DCTN1: variants seen among roughly 807,000 people sequenced by gnomAD.
DCTN1 encodes 150 kDa dynein-associated polypeptide.
In DCTN1, 61 loss-of-function variants were observed where a neutral mutation model predicts 161.2. That is an observed-to-expected ratio of 0.38 (90% CI 0.31 to 0.47). DCTN1 has a LOEUF of 0.47. Among genes scored for constraint, DCTN1 ranks in the 20% least tolerant of loss-of-function variants. The pLI, the probability that DCTN1 is intolerant of heterozygous loss-of-function variation, is 0.99. For missense variants in DCTN1, 1,404 were observed against 1,623.7 expected, an observed-to-expected ratio of 0.86 and a Z score of 2.33; for synonymous variants, 653 against 632.4, an observed-to-expected ratio of 1.03 and a Z score of -0.49.
At chr2:74,378,333 T>C in intron 1 of DCTN1, 88 bp from the exon 2 acceptor site, 1 of 1,540,104 alleles carries the variant, frequency 6.5e-7, no homozygotes, top group Non-Finnish European at 8.8e-7. Context: ...GCCAAGATGC[T>C]GGACTGAAAA....
At position 74,368,776 on chromosome 2, in the gene DCTN1, G is replaced by A. The variant is rs755786338; in HGVS notation, c.1806C>T (p.Asp602=). The A allele has an allele frequency of 3.7e-6, 6 of 1,614,238 alleles. No individual in the cohort carries two copies. In the South Asian group the frequency reaches 6.6e-5, roughly 18 times the overall value. The change falls in exon 16 of 32, where the codon GAC becomes GAT. Residue 602 remains aspartate, a synonymous_variant. Coordinates refer to ENST00000628224, the MANE Select transcript of DCTN1 (RefSeq NM_004082.5). ...GCAACAGCACCAGAACGCAGTCATG[G>A]TCCCCACCTGGCCGAAGGAAGCTGT... ...MPDSFLRPGG[D]HDCVLVLLLM...
chr2:74,368,877 T>C lies in DCTN1; in HGVS notation c.1705A>G (p.Ile569Val), dbSNP rs761895833. 1.9e-6 allele frequency: 3 copies of C among 1,614,222 alleles called. No homozygotes were observed. The highest frequency in any genetic ancestry group is 1.7e-5 in the Admixed American group (1 of 60,028). The change falls in exon 16 of 32, where the codon ATT (isoleucine) becomes GTT (valine). Residue 569 changes from isoleucine (I) to valine (V), a missense_variant. Ile to Val is a conservative substitution (Grantham distance 29, BLOSUM62 3). Transcript: ENST00000628224. Reference protein sequence around the residue: ...FAETKAHAKAIEMELRQMEVA... With the variant: ...FAETKAHAKAVEMELRQMEVA... ...TCCATCTGCCTCAATTCCATCTCAA[T>C]TGCCTGTGAGGTGAACAGGGAGGAG...
chr2:74,371,518 C>A lies in DCTN1; in HGVS notation c.645+19G>T, dbSNP rs1311574177. The A allele has an allele frequency of 1.3e-6, 2 of 1,556,292 alleles. No homozygotes were observed. Among genetic ancestry groups the A allele is most frequent in the Non-Finnish European group, 8.7e-7 (1 of 1,150,068 alleles). ...CTCTGGGTGTCTTGATTCTCCTTTA[C>A]CCCTACCCCAGGCCTTACCTTGGAT... On this transcript the variant is annotated intron_variant, in intron 8 of 31. Transcript: ENST00000628224.
At position 74,366,344 on chromosome 2, in the gene DCTN1, T is replaced by G. The variant is rs1166896176; in HGVS notation, c.2660A>C (p.Glu887Ala). ...GATGTTGCATGACTGGCGCAGACAC[T>G]CATAGGGGCTGCTGGAGGGGGTCCC... ...IYGTPSSSPY[E>A]CLRQSCNILI... The change falls in exon 23 of 32, where the codon GAG becomes GCG. Residue 887 changes from glutamate (E) to alanine (A), a missense_variant. Around this residue, in one of 9 missense-constraint regions of DCTN1, gnomAD observed 475 missense variants for 489.8 expected, o/e 0.97. Coordinates refer to ENST00000628224, the MANE Select transcript of DCTN1 (RefSeq NM_004082.5). The G allele has an allele frequency of 6.2e-7, 1 of 1,614,034 alleles. No individual in the cohort carries two copies. The highest frequency in any genetic ancestry group is 1.3e-5 in the African/African-American group (1 of 74,918).
Position 74,368,845 on chromosome 2 carries a change from G to T in DCTN1, c.1737C>A (p.Ala579=). Residue 579 remains alanine, a synonymous_variant, in exon 16 of 32, where the codon GCC becomes GCA. Transcript: ENST00000628224. ...IEMELRQMEV[A]QANRHMSLLT... ...GCAGGGACATGTGTCGATTGGCCTG[G>T]GCCACCTCCATCTGCCTCAATTCCA... The T allele has an allele frequency of 1.2e-6, 2 of 1,614,256 alleles. No individual in the cohort carries two copies. The highest frequency in any genetic ancestry group is 1.7e-6 in the Non-Finnish European group (2 of 1,180,052).
chr2:74,366,499 A>G lies in DCTN1; in HGVS notation c.2588T>C (p.Val863Ala), dbSNP rs150798076. The change falls in exon 22 of 32, where the codon GTG becomes GCG. Residue 863 changes from valine to alanine, a missense_variant. This residue lies in a region of DCTN1 where 475 missense variants were observed against 489.8 expected (regional missense o/e 0.97). Coordinates refer to ENST00000628224, the MANE Select transcript of DCTN1 (RefSeq NM_004082.5). ...GAAAGCCAGTTCCTCCAGAGCAGCC[A>G]CAAGTAGCCCCTCATTCTCTGCCAG... Reference protein sequence around the residue: ...APLAENEGLLVAALEELAFKA... With the variant: ...APLAENEGLLAAALEELAFKA... 2.0e-5 allele frequency: 32 copies of G among 1,614,080 alleles called. No homozygotes were observed. The African/African-American group carries it at 4.3e-4, about 22-fold the overall frequency.
At position 74,363,186 on chromosome 2, in the gene DCTN1, GA is replaced by G; in HGVS notation, c.3346-10del. 1.2e-6 allele frequency: 2 copies of G among 1,614,024 alleles called. No homozygotes were observed. The highest frequency in any genetic ancestry group is 1.7e-6 in the Non-Finnish European group (2 of 1,179,950). ...GCCTTCATCTGGGCTCCCTGTGGAT[GA>G]AAAAAGAAGGATAGTGGTAAGAGGT... On this transcript the variant is annotated splice_polypyrimidine_tract_variant and intron_variant, in intron 28 of 31. Transcript: ENST00000628224.
chr2:74,365,554 C>T lies in DCTN1; in HGVS notation c.2990G>A (p.Arg997Gln), dbSNP rs200580530. 123 of 1,614,082 alleles carry T rather than the reference C, an allele frequency of 7.6e-5. No homozygotes were observed. The highest frequency in any genetic ancestry group is 6.6e-5 in the South Asian group (6 of 91,068). Residue 997 changes from arginine (R) to glutamine (Q), a missense_variant, in exon 25 of 32, where the codon CGG becomes CAG. Coordinates refer to ENST00000628224, the MANE Select transcript of DCTN1 (RefSeq NM_004082.5). Reference protein sequence around the residue: ...ADERIEKVQTRLEETQALLRK... With the variant: ...ADERIEKVQTQLEETQALLRK... ...CAGCAGTGCCTGGGTCTCCTCCAGCCGAGTCTGGACTTTCTCGATGCGCTC... is the reference window on the plus strand; with the variant it reads ...CAGCAGTGCCTGGGTCTCCTCCAGCTGAGTCTGGACTTTCTCGATGCGCTC...
At chr2:74,371,253 C>T (rs1674821646) in intron 8 of DCTN1, 77 bp from the exon 9 acceptor site, 6 of 1,606,294 alleles carry the variant, frequency 3.7e-6, no homozygotes, top group Admixed American at 3.3e-5. Context: ...GCAAAGAACA[C>T]AAGAAAGTGT....
At chr2:74,364,730 G>A (rs1674273183) in intron 26 of DCTN1, 1 of 384,606 alleles carries the variant, frequency 2.6e-6, no homozygotes, top group South Asian at 2.2e-5. Context: ...TGCCCCAGGA[G>A]AGTCAGCCCA....
intron 5 of DCTN1, among the ~76,000 whole-genome samples, chr2:74,375,632 A>G (rs1055574701): frequency 1.3e-5 from 2 of 152,164 alleles, no homozygotes; most frequent in African/African-American, 4.8e-5. Context: ...GCTCTTCTCT[A>G]TTCAAGGCCT....
At chr2:74,382,947 C>A (rs1395247958), upstream of DCTN1, among the ~76,000 whole-genome samples, 2 of 151,534 alleles carry the variant, frequency 1.3e-5, no homozygotes, top group African/African-American at 2.4e-5. Context: ...CGGTGGCGGG[C>A]GCCTGTAGTC....
Position 74,380,106 on chromosome 2 carries a change from C to A in DCTN1, c.-69G>T. The A allele has an allele frequency of 1.3e-6, 2 of 1,569,236 alleles. No individual in the cohort carries two copies. Among genetic ancestry groups the A allele is most frequent in the South Asian group, 2.2e-5 (2 of 90,196 alleles). ...CAGAGAGAAAAGGTAGAAACCTAGG[C>A]AGGAGGGTCAGGGCGCTGGGCCCTC... On this transcript the variant is annotated 5_prime_UTR_variant, in exon 1 of 32. Coordinates refer to ENST00000628224, the MANE Select transcript of DCTN1 (RefSeq NM_004082.5).
chr2:74,367,659 C>T, intron 18 of DCTN1, 37 bp downstream of exon 18: 1 of 1,613,878 alleles, frequency 6.2e-7, no homozygotes, highest in Non-Finnish European at 8.5e-7. Context: ...GAAAGCTTCC[C>T]TGCCTCCTGC....
chr2:74,377,330 T>C (rs1675282748), intron 4 of DCTN1, 102 bp downstream of exon 4: 1 of 1,037,566 alleles, frequency 9.6e-7, no homozygotes, highest in African/African-American at 1.6e-5. Flanking sequence ...AGAAGGCAAA[T>C]CAGACTCACC....
intron 1 of DCTN1, among the ~76,000 whole-genome samples, chr2:74,379,379 G>A (rs1675403931): frequency 6.6e-6 from 1 of 152,166 alleles, no homozygotes; most frequent in Non-Finnish European, 1.5e-5. Flanking sequence ...GGAAGAGCCA[G>A]GACACCTCCC....
At chr2:74,382,477 A>G (rs1009042812), upstream of DCTN1, among the ~76,000 whole-genome samples, 2 of 151,730 alleles carry the variant, frequency 1.3e-5, no homozygotes, top group Admixed American at 6.6e-5. Flanking sequence ...GCGCATACCT[A>G]TAATCCTAGC....
In DCTN1 at chr2:74,370,346, C is replaced by T. The variant is rs755529936; in HGVS notation, c.1128-1G>A. On this transcript the variant is annotated splice_acceptor_variant, in intron 11 of 31. Coordinates refer to ENST00000628224, the MANE Select transcript of DCTN1 (RefSeq NM_004082.5). LOFTEE classifies it high-confidence loss of function. The surrounding 1 kb of genome is among the most constrained non-coding windows in gnomAD (Gnocchi z 4.4). Reference sequence around the variant, plus strand: ...CTCTGAGGAAGAAAGATCCCGCATCCTGCAGGGATGTGAGGAAGGCAGAAG... The same window carrying T: ...CTCTGAGGAAGAAAGATCCCGCATCTTGCAGGGATGTGAGGAAGGCAGAAG... The T allele has an allele frequency of 6.2e-7, 1 of 1,614,008 alleles. No homozygotes were observed. Among genetic ancestry groups the T allele is most frequent in the Non-Finnish European group, 8.5e-7 (1 of 1,180,038 alleles).
At chr2:74,377,371 C>T (rs568069026) in intron 4 of DCTN1, 61 bp downstream of exon 4, 1 of 1,421,754 alleles carries the variant, frequency 7.0e-7, no homozygotes, top group Non-Finnish European at 1.0e-6. Context: ...CACTGGGTAT[C>T]CCTCCTCTTT....
Sources: allele counts gnomAD v4.1 joint callset (sites outside exome capture counted in the v4.1 genomes callset), GRCh38; gene constraint gnomAD v4.1.1; regional missense constraint gnomAD v4.1.1; non-coding constraint Gnocchi (gnomAD v3.1); transcripts MANE v1.5; gene names NCBI Gene and HGNC (gene_info 2026-07-23, HGNC 2026-07-21).